The following MEGF10 variants were observed in gnomAD, a reference collection of about 807,000 sequenced individuals.
MEGF10 encodes the protein multiple EGF like domains 10, also known as multiple epidermal growth factor-like domains protein 10.
In MEGF10, 86 loss-of-function variants were observed where a neutral mutation model predicts 147.5. The observed-to-expected ratio is 0.58, with a 90% CI of 0.49 to 0.70. The LOEUF (loss-of-function observed/expected upper bound fraction) is 0.70. MEGF10 is among the 30% of genes least tolerant of loss of function. The pLI is 0.00. For missense variants in MEGF10, 1,329 were observed against 1,487.3 expected, an observed-to-expected ratio of 0.89 and a Z score of 1.75; for synonymous variants, 478 against 525.5, an observed-to-expected ratio of 0.91 and a Z score of 1.24.
chr5:127,320,389 G>A (rs1176004659), intron 1 of MEGF10, among the ~76,000 whole-genome samples: 1 of 152,166 alleles, frequency 6.6e-6, no homozygotes, highest in Admixed American at 6.6e-5. Context: ...AATGACACTC[G>A]ATTTCCTAAC....
intron 4 of MEGF10, among the ~76,000 whole-genome samples, chr5:127,367,215 G>T (rs893489072): frequency 3.3e-5 from 5 of 152,006 alleles, no homozygotes; most frequent in African/African-American, 1.2e-4. Context: ...TGAAAATGAA[G>T]ATAAAAAGTG....
chr5:127,231,278 A>G, the MEGF10 span, among the ~76,000 whole-genome samples: 18 of 152,340 alleles, frequency 1.2e-4, no homozygotes, highest in Non-Finnish European at 2.4e-4. Flanking sequence ...ACTCCTCAGC[A>G]TGGCTGCTAG....
intron 16 of MEGF10, among the ~76,000 whole-genome samples, chr5:127,437,513 C>T (rs939699231): frequency 9.9e-5 from 15 of 152,008 alleles, no homozygotes; most frequent in African/African-American, 3.6e-4. Context: ...ATGGGGTAGC[C>T]GTATAGAAAT....
At chr5:127,369,072 C>A (rs183634994) in intron 4 of MEGF10, among the ~76,000 whole-genome samples, 50 of 152,270 alleles carry the variant, frequency 3.3e-4, no homozygotes, top group Non-Finnish European at 4.9e-4. Context: ...CAGAGCACCT[C>A]ATCCCACCCT....
chr5:127,460,308 A>ATATGT lies in MEGF10; in HGVS notation c.*2994_*2998dup, dbSNP rs1448000444. ...ACTCATGTTTGCTTTAATAAGGAAAATATGTTATTTGAGGTTAATTATATG... is the reference window on the plus strand; with the variant it reads ...ACTCATGTTTGCTTTAATAAGGAAAATATGTTATGTTATTTGAGGTTAATTATATG... On this transcript the variant is annotated 3_prime_UTR_variant, in exon 25 of 25. Coordinates refer to ENST00000503335, the MANE Select transcript of MEGF10 (RefSeq NM_001256545.2). The ATATGT allele has an allele frequency of 6.6e-6, 1 of 152,198 alleles. No homozygotes were observed. Among genetic ancestry groups the ATATGT allele is most frequent in the African/African-American group, 2.4e-5 (1 of 41,456 alleles). 9.4% of individuals were successfully genotyped at this position (152,198 alleles called of 1,614,324 possible).
rs1471690139 is a variant in MEGF10 at position 127,419,148 on chromosome 5, T to C, written c.1334T>C (p.Leu445Pro). ...KGIDCSTPCP[L>P]GTYGINCSSR... ...ATTGACTGCTCTACCCCATGCCCTC[T>C]GGGAACCTATGGGATAAACTGTTCC... Residue 445 changes from leucine (L) to proline (P), a missense_variant, in exon 11 of 25, where the codon CTG becomes CCG. This residue lies in a region of MEGF10 where 980 missense variants were observed against 1,085.9 expected (regional missense o/e 0.90). Transcript: ENST00000503335. 1.2e-6 allele frequency: 2 copies of C among 1,614,150 alleles called. No homozygotes were observed. Among genetic ancestry groups the C allele is most frequent in the Non-Finnish European group, 1.7e-6 (2 of 1,179,984 alleles).
chr5:127,434,178 T>C (rs920184037), intron 14 of MEGF10, among the ~76,000 whole-genome samples: 1 of 152,216 alleles, frequency 6.6e-6, no homozygotes, highest in African/African-American at 2.4e-5. Context: ...AACTTAAGTA[T>C]ATAGCATTTT....
the MEGF10 span, among the ~76,000 whole-genome samples, chr5:127,241,990 G>A: frequency 1.6e-4 from 24 of 152,214 alleles, 1 homozygote; most frequent in South Asian, 4.8e-3. Flanking sequence ...TTGTTTATGG[G>A]AGATGCTTCC....
At chr5:127,238,900 A>T in the MEGF10 span, among the ~76,000 whole-genome samples, 2 of 150,978 alleles carry the variant, frequency 1.3e-5, no homozygotes, top group Non-Finnish European at 2.9e-5. Flanking sequence ...TGTCTATAGG[A>T]TATGAACTCA....
chr5:127,275,250 A>C, the MEGF10 span, among the ~76,000 whole-genome samples: 62,168 of 152,100 alleles, frequency 0.41, 13,081 homozygotes, highest in Middle Eastern at 0.54. Context: ...ATCAGACAAT[A>C]ATATGAAAAG....
the MEGF10 span, among the ~76,000 whole-genome samples, chr5:127,241,126 G>A: frequency 2.0e-5 from 3 of 152,118 alleles, no homozygotes; most frequent in Non-Finnish European, 4.4e-5. Context: ...AAGTTCCCGA[G>A]GCACTGATAT....
At chr5:127,431,642 C>T (rs1389308163) in intron 13 of MEGF10, among the ~76,000 whole-genome samples, 1 of 152,170 alleles carries the variant, frequency 6.6e-6, no homozygotes, top group Non-Finnish European at 1.5e-5. Context: ...TTGTCTAAGT[C>T]TCTGTGATAA....
intron 13 of MEGF10, among the ~76,000 whole-genome samples, chr5:127,425,832 C>A (rs746095218): frequency 7.2e-5 from 11 of 152,154 alleles, no homozygotes; most frequent in Non-Finnish European, 1.6e-4. Flanking sequence ...GAGAAGCAAG[C>A]AATTCTATTT....
At chr5:127,259,461 G>T in the MEGF10 span, among the ~76,000 whole-genome samples, 1 of 152,152 alleles carries the variant, frequency 6.6e-6, no homozygotes, top group Non-Finnish European at 1.5e-5. Flanking sequence ...GTGGTCTCAG[G>T]ACATCATCTG....
intron 4 of MEGF10, among the ~76,000 whole-genome samples, chr5:127,354,649 A>C (rs886830685): frequency 1.3e-5 from 2 of 152,188 alleles, no homozygotes; most frequent in African/African-American, 4.8e-5. Context: ...AATCATGGAG[A>C]TAGCAACCGA....
rs368922847 is a variant in MEGF10, at chr5:127,398,252, AG to A, written c.660-422del. Among the ~76,000 whole-genome samples, 242 of 152,290 alleles carry A rather than the reference AG, an allele frequency of 1.6e-3. 1 individual carries two copies. Among genetic ancestry groups the A allele is most frequent in the Middle Eastern group, 3.4e-3 (1 of 294 alleles). On this transcript the variant is annotated intron_variant, in intron 6 of 24. Transcript: ENST00000503335. ...TAAAATTTTAAAAATTAAAAAAAAAAGGATGATGAATATGTGCACAAAGGGT... is the reference window on the plus strand; with the variant it reads ...TAAAATTTTAAAAATTAAAAAAAAAAGATGATGAATATGTGCACAAAGGGT...
the MEGF10 span, among the ~76,000 whole-genome samples, chr5:127,261,773 T>G: frequency 3.3e-5 from 5 of 152,134 alleles, no homozygotes; most frequent in African/African-American, 1.2e-4. Flanking sequence ...TTATTATCTG[T>G]TTTTTAAAAA....
the MEGF10 span, among the ~76,000 whole-genome samples, chr5:127,273,240 G>C: frequency 6.6e-6 from 1 of 152,236 alleles, no homozygotes; most frequent in African/African-American, 2.4e-5. Flanking sequence ...TGGGAGAAGT[G>C]TGGTTTCCCA....
chr5:127,315,644 T>C (rs1580702294), intron 1 of MEGF10, among the ~76,000 whole-genome samples: 1 of 152,040 alleles, frequency 6.6e-6, no homozygotes, highest in East Asian at 1.9e-4. Flanking sequence ...TGTGTTGGAA[T>C]GCATGTGTAG....
Sources: gnomAD v4.1 joint callset for allele counts (sites outside exome capture counted in the v4.1 genomes callset) on GRCh38, gnomAD v4.1.1 for gene constraint, gnomAD v4.1.1 regional missense constraint, MANE v1.5 for transcripts, NCBI Gene and HGNC (gene_info 2026-07-23, HGNC 2026-07-21) for gene names.